TBPL1: variants seen among roughly 807,000 people sequenced by gnomAD.
TBPL1 encodes TATA-box binding protein like 1, also known as TATA box-binding protein-like 1.
In TBPL1, 4 loss-of-function variants were observed where a neutral mutation model predicts 22.1. The observed-to-expected ratio is 0.18, with a 90% CI of 0.09 to 0.41. The LOEUF (loss-of-function observed/expected upper bound fraction) is 0.41. Ranked by LOEUF, TBPL1 falls within the 10% of genes least tolerant of loss-of-function variation. The probability of loss-of-function intolerance (pLI) is 1.00; values close to 1 mark genes in which losing one functional copy is unlikely to be tolerated. For missense variants in TBPL1, 115 were observed against 222.3 expected (o/e 0.52, Z 3.07); for synonymous variants, 64 against 71.0 (o/e 0.90, Z 0.50).
At chr6:133,953,821 C>A (rs1006755526) in intron 1 of TBPL1, among the ~76,000 whole-genome samples, 3 of 152,128 alleles carry the variant, frequency 2.0e-5, no homozygotes, top group Non-Finnish European at 4.4e-5. Flanking sequence ...GGAAGAGGGA[C>A]CGTGCAAAGA....
rs1776560308 is a variant in TBPL1, at chr6:133,987,812, G to T, written c.*772G>T. 1 of 152,444 alleles carries T rather than the reference G, an allele frequency of 6.6e-6. No individual in the cohort carries two copies. Among genetic ancestry groups the T allele is most frequent in the African/African-American group, 2.4e-5 (1 of 41,388 alleles). 9.4% of individuals were successfully genotyped at this position (152,444 alleles called of 1,614,324 possible). The stretch of plus-strand genomic sequence containing the variant: ...TTATAGATAAAGGATAATGTTTTAT[G>T]TTGCTAATTTAATATGATAGAAAAT... On this transcript the variant is annotated 3_prime_UTR_variant, in exon 7 of 7. Coordinates refer to ENST00000237264, the MANE Select transcript of TBPL1 (RefSeq NM_004865.4).
chr6:133,962,928 G>A (rs1398447242), intron 1 of TBPL1, among the ~76,000 whole-genome samples: 2 of 152,186 alleles, frequency 1.3e-5, no homozygotes, highest in African/African-American at 4.8e-5. Flanking sequence ...ATGAGATGGG[G>A]AGAGAATTCA....
rs1776589369 is a variant in TBPL1 at position 133,989,490 on chromosome 6, A to G, written c.*2450A>G. Reference sequence around the variant, plus strand: ...CTGAAGTATATATAGAGTTTGAACTATAAACACGGAAGGAAACATGGGGCA... The same window carrying G: ...CTGAAGTATATATAGAGTTTGAACTGTAAACACGGAAGGAAACATGGGGCA... On this transcript the variant is annotated 3_prime_UTR_variant, in exon 7 of 7. Coordinates refer to ENST00000237264, the MANE Select transcript of TBPL1 (RefSeq NM_004865.4). 1 of 152,200 alleles carries G rather than the reference A, an allele frequency of 6.6e-6. No individual in the cohort carries two copies. Among genetic ancestry groups the G allele is most frequent in the African/African-American group, 2.4e-5 (1 of 41,444 alleles). The allele number at this position is 152,200 out of a possible 1,614,324, so 9.4% of individuals were successfully genotyped here.
intron 1 of TBPL1, among the ~76,000 whole-genome samples, chr6:133,971,008 C>T (rs1583818438): frequency 1.3e-5 from 2 of 152,252 alleles, no homozygotes; most frequent in Admixed American, 6.5e-5. Context: ...CCATGGTCAC[C>T]CTACTGTGCA....
intron 1 of TBPL1, among the ~76,000 whole-genome samples, chr6:133,977,219 A>T (rs575794921): frequency 3.3e-5 from 5 of 152,222 alleles, no homozygotes; most frequent in East Asian, 1.9e-4. Flanking sequence ...TTTATATTGC[A>T]TCTTTAATTG....
At chr6:133,982,276 G>C (rs1019380482) in intron 2 of TBPL1, among the ~76,000 whole-genome samples, 7 of 152,192 alleles carry the variant, frequency 4.6e-5, no homozygotes, top group African/African-American at 1.7e-4. Flanking sequence ...TATATGACTG[G>C]GGTGGAATGA....
intron 1 of TBPL1, among the ~76,000 whole-genome samples, chr6:133,965,390 C>T (rs1403611951): frequency 6.6e-6 from 1 of 152,160 alleles, no homozygotes; most frequent in Admixed American, 6.5e-5. Flanking sequence ...AATATCCAAA[C>T]CCATTATGCT....
intron 1 of TBPL1, among the ~76,000 whole-genome samples, chr6:133,960,868 G>A (rs1776011402): frequency 6.6e-6 from 1 of 152,210 alleles, no homozygotes; most frequent in African/African-American, 2.4e-5. Context: ...ACTTTCAGAG[G>A]ATGAGAAAAG....
chr6:133,986,091 AAATGTT>A (rs1196301501), intron 6 of TBPL1: 6 of 152,216 alleles, frequency 3.9e-5, no homozygotes, highest in Admixed American at 2.0e-4. Flanking sequence ...ATAGCCTATG[AAATGTT>A]ACTGAATTGG....
At chr6:133,976,242 A>G (rs1042457187) in intron 1 of TBPL1, among the ~76,000 whole-genome samples, 2 of 152,208 alleles carry the variant, frequency 1.3e-5, no homozygotes, top group East Asian at 3.8e-4. Context: ...ATAATTTGGA[A>G]TTCTAGGTAG....
intron 1 of TBPL1, among the ~76,000 whole-genome samples, chr6:133,964,339 A>C (rs1043345037): frequency 9.2e-5 from 14 of 152,176 alleles, no homozygotes; most frequent in Non-Finnish European, 1.8e-4. Flanking sequence ...ACATGTGGAA[A>C]GAGTGTTCAT....
chr6:133,958,446 TC>T (rs1775963722), intron 1 of TBPL1, among the ~76,000 whole-genome samples: 1 of 152,184 alleles, frequency 6.6e-6, no homozygotes, highest in Non-Finnish European at 1.5e-5. Context: ...CCCCAGTAAT[TC>T]AGGTGGCTCA....
chr6:133,970,094 C>G (rs1222006191), intron 1 of TBPL1, among the ~76,000 whole-genome samples: 1 of 152,172 alleles, frequency 6.6e-6, no homozygotes, highest in African/African-American at 2.4e-5. Context: ...GGGAGCCCAC[C>G]ACTTTGCAGT....
rs200249148 is a variant in TBPL1 at position 133,987,648 on chromosome 6, G to GTGTATATATATATATA, written c.*609_*610insGTATATATATATATAT. The GTGTATATATATATATA allele has an allele frequency of 4.1e-4, 36 of 88,392 alleles. No homozygotes were observed. Among genetic ancestry groups the GTGTATATATATATATA allele is most frequent in the African/African-American group, 1.2e-3 (34 of 27,574 alleles). 5.5% of individuals were successfully genotyped at this position (88,392 alleles called of 1,614,324 possible). On this transcript the variant is annotated 3_prime_UTR_variant, in exon 7 of 7. Coordinates refer to ENST00000237264, the MANE Select transcript of TBPL1 (RefSeq NM_004865.4). ...TTTGTGTGTGTGTGTGTGTGTGTGT[G>GTGTATATATATATATA]TATATATATATATATATATGCACCA...
At chr6:133,982,945 T>G in intron 4 of TBPL1, 65 bp downstream of exon 4, 1 of 1,452,632 alleles carries the variant, frequency 6.9e-7, no homozygotes, top group Non-Finnish European at 9.4e-7. Flanking sequence ...GAATTAAAAA[T>G]TGTAATAGAC....
intron 1 of TBPL1, among the ~76,000 whole-genome samples, chr6:133,957,219 G>T (rs959201760): frequency 1.3e-5 from 2 of 152,170 alleles, no homozygotes; most frequent in Non-Finnish European, 2.9e-5. Context: ...ATGTGCCTTT[G>T]TGTGGGAGTC....
chr6:133,961,442 T>C (rs1776020764), intron 1 of TBPL1, among the ~76,000 whole-genome samples: 1 of 151,504 alleles, frequency 6.6e-6, no homozygotes, highest in South Asian at 2.1e-4. Context: ...TCCTTTAAGA[T>C]CTCTTTTTAA....
intron 1 of TBPL1, among the ~76,000 whole-genome samples, chr6:133,966,244 A>G (rs1238348075): frequency 2.0e-5 from 3 of 152,178 alleles, no homozygotes; most frequent in Non-Finnish European, 4.4e-5. Context: ...GTACAGAAAT[A>G]AAGAAGATTT....
chr6:133,987,648 G>GTATATATA lies in TBPL1; in HGVS notation c.*620_*627dup, dbSNP rs59102121. 0.016 allele frequency: 1,425 copies of GTATATATA among 88,324 alleles called. 33 individuals carry two copies. Among genetic ancestry groups the GTATATATA allele is most frequent in the African/African-American group, 0.05 (1,367 of 27,508 alleles). 5.5% of individuals were successfully genotyped at this position (88,324 alleles called of 1,614,324 possible). A position where few individuals can be genotyped will look rare whatever the true frequency, so the allele number is the denominator to read the frequency against. The stretch of plus-strand genomic sequence containing the variant: ...TTTGTGTGTGTGTGTGTGTGTGTGT[G>GTATATATA]TATATATATATATATATATGCACCA... On this transcript the variant is annotated 3_prime_UTR_variant, in exon 7 of 7. Coordinates refer to ENST00000237264, the MANE Select transcript of TBPL1 (RefSeq NM_004865.4).
Sources: gnomAD v4.1 joint callset for allele counts (sites outside exome capture counted in the v4.1 genomes callset) on GRCh38, gnomAD v4.1.1 for gene constraint, MANE v1.5 for transcripts, NCBI Gene and HGNC (gene_info 2026-07-23, HGNC 2026-07-21) for gene names.